MMRN1: variants seen among roughly 807,000 people sequenced by gnomAD.
MMRN1 encodes multimerin-1.
A neutral mutation model predicts 100.7 loss-of-function variants in MMRN1; 94 were observed. The observed-to-expected ratio is 0.93, with a 90% CI of 0.79 to 1.11. The LOEUF is 1.11. Among genes scored for constraint, MMRN1 ranks in the 50% least tolerant of loss-of-function variants. The pLI is 0.00. For missense variants in MMRN1, 1,606 were observed against 1,439.1 expected (o/e 1.12, Z -1.88); for synonymous variants, 575 against 505.0 (o/e 1.14, Z -1.86).
rs765932342 is a variant in MMRN1, at chr4:89,951,597, C to T, written c.3119-8C>T. Reference sequence around the variant, plus strand: ...TTCTCTTTTACCTTGATTCTTTTTCCGTAACAGAGGAGTATTCAAGCTGTA... The same window carrying T: ...TTCTCTTTTACCTTGATTCTTTTTCTGTAACAGAGGAGTATTCAAGCTGTA... On this transcript the variant is annotated splice_polypyrimidine_tract_variant and splice_region_variant and intron_variant, in intron 6 of 7. Coordinates refer to ENST00000264790, the MANE Select transcript of MMRN1 (RefSeq NM_007351.3). 2.6e-5 allele frequency: 38 copies of T among 1,458,758 alleles called. No homozygotes were observed. Among genetic ancestry groups the T allele is most frequent in the Middle Eastern group, 1.8e-4 (1 of 5,424 alleles). The allele number at this position is 1,458,758 out of a possible 1,614,324, so 90.4% of individuals were successfully genotyped here.
chr4:89,907,107 C>G (rs915281387), intron 1 of MMRN1, among the ~76,000 whole-genome samples: 3 of 151,532 alleles, frequency 2.0e-5, no homozygotes, highest in Non-Finnish European at 4.4e-5. Flanking sequence ...TTAGGATCAT[C>G]ATTGCATTTG....
intron 1 of MMRN1, among the ~76,000 whole-genome samples, chr4:89,883,357 G>A (rs1007355457): frequency 6.6e-5 from 10 of 151,950 alleles, no homozygotes; most frequent in African/African-American, 1.7e-4. Flanking sequence ...TACCTGAAAC[G>A]TATGAGTTCT....
chr4:89,936,228 T>G lies in MMRN1; in HGVS notation c.2548T>G (p.Leu850Val). Residue 850 changes from leucine to valine, a missense_variant, in exon 6 of 8, where the codon TTA becomes GTA. Physicochemically the swap from Leu to Val is conservative, Grantham distance 32 (BLOSUM62 1). Coordinates refer to ENST00000264790, the MANE Select transcript of MMRN1 (RefSeq NM_007351.3). ...NMSHLEEKLL[L>V]TTKISKNFET... Reference sequence around the variant, plus strand: ...GAGTCATTTGGAAGAAAAACTACTCTTAACTACCAAGATTTCCAAAAATTT... The same window carrying G: ...GAGTCATTTGGAAGAAAAACTACTCGTAACTACCAAGATTTCCAAAAATTT... The G allele has an allele frequency of 1.2e-6, 2 of 1,605,326 alleles. No homozygotes were observed. Among genetic ancestry groups the G allele is most frequent in the South Asian group, 2.3e-5 (2 of 88,586 alleles).
At chr4:89,888,191 G>A (rs913969274) in intron 1 of MMRN1, among the ~76,000 whole-genome samples, 9 of 151,748 alleles carry the variant, frequency 5.9e-5, no homozygotes, top group African/African-American at 1.9e-4. Flanking sequence ...TCTCTTTAGC[G>A]CAATGGGTTT....
At chr4:89,907,551 CCT>C (rs1721607548) in intron 1 of MMRN1, among the ~76,000 whole-genome samples, 1 of 151,168 alleles carries the variant, frequency 6.6e-6, no homozygotes, top group African/African-American at 2.4e-5. Context: ...GGAAATTTTC[CCT>C]TTTTTTCTTC....
In MMRN1 at chr4:89,895,177, C is replaced by T; in HGVS notation, c.206C>T (p.Pro69Leu). 1.2e-6 allele frequency: 2 copies of T among 1,613,852 alleles called. No homozygotes were observed. Among genetic ancestry groups the T allele is most frequent in the Non-Finnish European group, 1.7e-6 (2 of 1,179,924 alleles). ...RVMSAEIATT[P>L]EARTSEDSLL... The stretch of plus-strand genomic sequence containing the variant: ...ATGTCGGCGGAGATAGCTACAACTC[C>T]AGAGGCAAGAACTTCTGAAGACAGT... Residue 69 changes from proline (P) to leucine (L), a missense_variant, in exon 1 of 8, where the codon CCA becomes CTA. Pro to Leu is a moderately conservative substitution (Grantham distance 98, BLOSUM62 -3). Transcript: ENST00000264790.
At chr4:89,924,102 T>G (rs1001257125) in intron 4 of MMRN1, among the ~76,000 whole-genome samples, 37 of 152,228 alleles carry the variant, frequency 2.4e-4, no homozygotes, top group African/African-American at 8.9e-4. Flanking sequence ...TCTCTTTATC[T>G]TTGATTAACG....
intron 3 of MMRN1, among the ~76,000 whole-genome samples, chr4:89,922,807 C>T (rs905892840): frequency 7.2e-5 from 11 of 152,096 alleles, no homozygotes; most frequent in Middle Eastern, 3.2e-3. Flanking sequence ...TTGTGGCAGT[C>T]CACTTATAAG....
At chr4:89,938,490 TATATATATATATATATATATATTTAAA>T (rs1722719426) in intron 6 of MMRN1, among the ~76,000 whole-genome samples, 2 of 87,908 alleles carry the variant, frequency 2.3e-5, no homozygotes, top group Non-Finnish European at 4.3e-5. Flanking sequence ...TATATATATA[TATATATATATATATATATATATTTAAA>T]ATATATATAT....
intron 6 of MMRN1, among the ~76,000 whole-genome samples, chr4:89,943,887 C>A (rs1722908333): frequency 6.6e-6 from 1 of 151,430 alleles, no homozygotes; most frequent in South Asian, 2.1e-4. Context: ...GAGGCTGAGG[C>A]AGGAGAATAT....
intron 3 of MMRN1, among the ~76,000 whole-genome samples, chr4:89,917,526 C>T (rs192278845): frequency 2.4e-4 from 36 of 151,992 alleles, no homozygotes; most frequent in African/African-American, 7.2e-4. Context: ...AGAGCATTGT[C>T]TATAATACAG....
Position 89,935,810 on chromosome 4 carries a change from T to C in MMRN1, c.2130T>C (p.Asp710=), listed in dbSNP as rs191326072. 1.1e-5 allele frequency: 17 copies of C among 1,613,330 alleles called. No homozygotes were observed. The African/African-American group carries it at 1.7e-4, about 16-fold the overall frequency. The change falls in exon 6 of 8, where the codon GAT becomes GAC. Residue 710 remains aspartate (D), a synonymous_variant. Coordinates refer to ENST00000264790, the MANE Select transcript of MMRN1 (RefSeq NM_007351.3). ...NLLRNEVQGR[D]DALERRINEY... ...TTAGAAATGAAGTACAGGGTCGTGA[T>C]GATGCCTTAGAAAGACGTATCAATG...
At chr4:89,943,885 G>A (rs1722908199) in intron 6 of MMRN1, among the ~76,000 whole-genome samples, 1 of 151,982 alleles carries the variant, frequency 6.6e-6, no homozygotes, top group African/African-American at 2.4e-5. Context: ...GGGAGGCTGA[G>A]GCAGGAGAAT....
upstream of MMRN1, among the ~76,000 whole-genome samples, chr4:89,892,164 G>A (rs928166578): frequency 7.3e-5 from 11 of 151,436 alleles, no homozygotes; most frequent in Admixed American, 6.6e-4. Flanking sequence ...ATGATACAAT[G>A]AAAAATGACA....
chr4:89,917,029 C>T (rs1469106218), intron 3 of MMRN1, among the ~76,000 whole-genome samples: 7 of 151,638 alleles, frequency 4.6e-5, no homozygotes. Context: ...ATCTTGATGA[C>T]ATGCTCCTAC....
chr4:89,902,141 A>C (rs1342335585), intron 1 of MMRN1: 1 of 142,690 alleles, frequency 7.0e-6, no homozygotes, highest in Non-Finnish European at 1.5e-5. Context: ...TTCAATTCCC[A>C]CAGGAAGGGG....
chr4:89,883,117 A>G (rs949694115), intron 1 of MMRN1, among the ~76,000 whole-genome samples: 27 of 152,210 alleles, frequency 1.8e-4, no homozygotes, highest in Admixed American at 1.6e-3. Flanking sequence ...ATTGCAGAAT[A>G]TTATTTCATT....
In MMRN1 at chr4:89,911,971, T is replaced by C. The variant is rs756742650; in HGVS notation, c.771T>C (p.Tyr257=). Residue 257 remains tyrosine, a synonymous_variant, in exon 3 of 8, where the codon TAT becomes TAC. Coordinates refer to ENST00000264790, the MANE Select transcript of MMRN1 (RefSeq NM_007351.3). ...CTCAGAAGATATCCAATCCTGTCTA[T>C]AGGATGCAACATAAAATTGTCACCT... ...QRSQKISNPV[Y]RMQHKIVTSL... 1.4e-5 allele frequency: 23 copies of C among 1,603,254 alleles called. No homozygotes were observed. The East Asian group carries it at 4.3e-4, about 30-fold the overall frequency.
intron 4 of MMRN1, among the ~76,000 whole-genome samples, chr4:89,926,769 A>T (rs1326117474): frequency 6.6e-6 from 1 of 152,172 alleles, no homozygotes; most frequent in Non-Finnish European, 1.5e-5. Context: ...TTGAGGTCTT[A>T]GACTTAAAGA....
Sources: gnomAD v4.1 joint callset for allele counts (sites outside exome capture counted in the v4.1 genomes callset) on GRCh38, gnomAD v4.1.1 for gene constraint, MANE v1.5 for transcripts, NCBI Gene and HGNC (gene_info 2026-07-23, HGNC 2026-07-21) for gene names.